Variants in IQSEC1 observed in about 807,000 individuals in gnomAD.
IQSEC1 encodes the protein IQ motif and SEC7 domain-containing protein 1.
Under a neutral mutation model 91.0 loss-of-function variants are expected in IQSEC1, and 31 were observed. The ratio of observed to expected loss-of-function variants is 0.34; its 90% confidence interval spans 0.26 to 0.46. IQSEC1 has a LOEUF of 0.46. Ranked by LOEUF, IQSEC1 falls within the 20% of genes least tolerant of loss-of-function variation. IQSEC1 has a pLI of 1.00. For synonymous variants in IQSEC1, 699 were observed against 662.6 expected (o/e 1.05, Z -0.84); for missense variants, 1,388 against 1,575.6 (o/e 0.88, Z 2.02).
At chr3:13,004,076 A>C (rs1218963962) in intron 1 of IQSEC1, among the ~76,000 whole-genome samples, 1 of 152,236 alleles carries the variant, frequency 6.6e-6, no homozygotes, top group African/African-American at 2.4e-5. Context: ...ACTCTTAAAG[A>C]ATCCACACAT....
chr3:13,227,869 A>G (rs1694784101), intron 1 of IQSEC1, among the ~76,000 whole-genome samples: 1 of 152,206 alleles, frequency 6.6e-6, no homozygotes, highest in African/African-American at 2.4e-5. Context: ...TGCAGGAGGC[A>G]GGCTAAGCCC....
chr3:13,096,089 AC>A (rs2125147360), intron 2 of IQSEC1, among the ~76,000 whole-genome samples: 1 of 152,126 alleles, frequency 6.6e-6, no homozygotes, highest in African/African-American at 2.4e-5. Context: ...CAGAGAAAGG[AC>A]CCCATGGGTG....
chr3:13,070,143 C>T (rs891361504), intron 1 of IQSEC1, among the ~76,000 whole-genome samples: 13 of 152,336 alleles, frequency 8.5e-5, no homozygotes, highest in African/African-American at 2.9e-4. Flanking sequence ...CTGAGGATAG[C>T]CTGGCTGTGC....
intron 1 of IQSEC1, among the ~76,000 whole-genome samples, chr3:12,961,274 G>A (rs1358842227): frequency 6.6e-6 from 1 of 152,080 alleles, no homozygotes; most frequent in Non-Finnish European, 1.5e-5. Context: ...CACAGGGCTG[G>A]GGGCCTCTAC....
intron 1 of IQSEC1, among the ~76,000 whole-genome samples, chr3:13,204,957 C>T (rs1694317063): frequency 1.3e-5 from 2 of 151,906 alleles, no homozygotes; most frequent in South Asian, 2.1e-4. Context: ...CGCACCACCA[C>T]GCCGGGCTTT....
intron 1 of IQSEC1, among the ~76,000 whole-genome samples, chr3:12,995,534 T>C (rs1702194110): frequency 6.6e-6 from 1 of 152,218 alleles, no homozygotes; most frequent in African/African-American, 2.4e-5. Flanking sequence ...GGTAAAGTCA[T>C]CTGCCCACAT....
At chr3:13,216,943 G>C (rs1017699297) in intron 1 of IQSEC1, among the ~76,000 whole-genome samples, 2 of 152,118 alleles carry the variant, frequency 1.3e-5, no homozygotes, top group Non-Finnish European at 2.9e-5. Flanking sequence ...AGCATATCAC[G>C]ACGCAGGCAA....
intron 1 of IQSEC1, among the ~76,000 whole-genome samples, chr3:13,202,854 A>G (rs577243238): frequency 9.2e-5 from 14 of 152,220 alleles, no homozygotes; most frequent in Non-Finnish European, 1.9e-4. Flanking sequence ...GGAAAGAGTC[A>G]TATCACACTG....
At chr3:13,125,456 C>T (rs549316043) in intron 2 of IQSEC1, among the ~76,000 whole-genome samples, 2 of 152,230 alleles carry the variant, frequency 1.3e-5, no homozygotes, top group African/African-American at 2.4e-5. Context: ...CACGGTCTGT[C>T]CCGGAGCAGG....
intron 1 of IQSEC1, among the ~76,000 whole-genome samples, chr3:13,028,657 T>C (rs1384656990): frequency 6.6e-6 from 1 of 152,234 alleles, no homozygotes; most frequent in Non-Finnish European, 1.5e-5. Flanking sequence ...CCAGTCCCCA[T>C]GGGTTGTCCC....
chr3:12,911,765 C>A, intron 9 of IQSEC1, 37 bp from the exon 10 acceptor site: 1 of 1,424,302 alleles, frequency 7.0e-7, no homozygotes. Flanking sequence ...GCTACAGTGT[C>A]TCGGGGGGCA....
intron 1 of IQSEC1, among the ~76,000 whole-genome samples, chr3:13,181,949 T>C (rs1693851334): frequency 6.6e-6 from 1 of 152,246 alleles, no homozygotes; most frequent in Non-Finnish European, 1.5e-5. Flanking sequence ...TTCACTGCTG[T>C]GCCCCAGGAC....
At chr3:13,039,178 TG>T (rs1704158693) in intron 1 of IQSEC1, among the ~76,000 whole-genome samples, 2 of 152,314 alleles carry the variant, frequency 1.3e-5, no homozygotes, top group Non-Finnish European at 2.9e-5. Flanking sequence ...CAATGGCCTT[TG>T]GGCCAGAGCT....
intron 1 of IQSEC1, among the ~76,000 whole-genome samples, chr3:13,276,917 C>T (rs6775799): frequency 0.1 from 15,752 of 151,846 alleles, 1,505 homozygotes; most frequent in African/African-American, 0.25. Context: ...ACTCGGACTG[C>T]CTCCTGGCCC....
At chr3:13,032,502 G>A (rs1417154885) in intron 1 of IQSEC1, among the ~76,000 whole-genome samples, 2 of 152,230 alleles carry the variant, frequency 1.3e-5, no homozygotes, top group Non-Finnish European at 2.9e-5. Flanking sequence ...TCCTGACACG[G>A]AAGGACAAGT....
intron 2 of IQSEC1, among the ~76,000 whole-genome samples, chr3:13,112,132 G>A (rs1706257240): frequency 6.6e-6 from 1 of 152,166 alleles, no homozygotes; most frequent in Non-Finnish European, 1.5e-5. Context: ...CACCTGAACT[G>A]TCACCTCCCC....
At chr3:13,035,442 C>A (rs1014670614) in intron 1 of IQSEC1, among the ~76,000 whole-genome samples, 2 of 152,294 alleles carry the variant, frequency 1.3e-5, no homozygotes, top group South Asian at 4.1e-4. Flanking sequence ...TCTAAGAATC[C>A]TCTCCTGCTC....
chr3:12,902,924 G>A, intron 12 of IQSEC1, 102 bp from the exon 13 acceptor site: 2 of 903,442 alleles, frequency 2.2e-6, no homozygotes, highest in Admixed American at 1.9e-5. Context: ...ACCCCTGCTG[G>A]GAGCAGGCAC....
intron 1 of IQSEC1, 46 bp downstream of exon 1, chr3:13,072,946 C>T (rs1308272525): frequency 6.6e-7 from 1 of 1,514,508 alleles, no homozygotes; most frequent in South Asian, 1.2e-5. Context: ...TCAGCCGGGC[C>T]CCTCTGGCCT....
Sources: allele counts gnomAD v4.1 joint callset (sites outside exome capture counted in the v4.1 genomes callset), GRCh38; gene constraint gnomAD v4.1.1; transcripts MANE v1.5; gene names NCBI Gene and HGNC (gene_info 2026-07-23, HGNC 2026-07-21).